The following SUGCT variants were observed in gnomAD, a reference collection of about 807,000 sequenced individuals.
SUGCT encodes succinyl-CoA:glutarate-CoA transferase.
In SUGCT, 41 loss-of-function variants were observed where a neutral mutation model predicts 55.0. The ratio of observed to expected loss-of-function variants is 0.74; its 90% CI spans 0.58 to 0.97. SUGCT has a LOEUF of 0.97. Among genes scored for constraint, SUGCT ranks in the 50% least tolerant of loss-of-function variants. The probability of loss-of-function intolerance (pLI) is 0.00; values close to 1 mark genes in which losing one functional copy is unlikely to be tolerated. For missense variants in SUGCT, 568 were observed against 547.8 expected (o/e 1.04, Z -0.37); for synonymous variants, 187 against 200.4 (o/e 0.93, Z 0.56).
intron 9 of SUGCT, among the ~76,000 whole-genome samples, chr7:40,323,851 A>G (rs921838698): frequency 6.6e-6 from 1 of 151,990 alleles, no homozygotes; most frequent in Non-Finnish European, 1.5e-5. Context: ...CTCCCTCCCA[A>G]TCCATGGCCA....
the SUGCT span, among the ~76,000 whole-genome samples, chr7:40,892,173 C>T: frequency 6.6e-6 from 1 of 152,026 alleles, no homozygotes; most frequent in Non-Finnish European, 1.5e-5. Context: ...AATGGATACA[C>T]AATATATAAA....
At chr7:40,893,149 C>T in the SUGCT span, among the ~76,000 whole-genome samples, 3 of 152,042 alleles carry the variant, frequency 2.0e-5, no homozygotes, top group Non-Finnish European at 4.4e-5. Flanking sequence ...AATATATATG[C>T]ACCCAACATC....
At chr7:40,618,032 G>A (rs552368870) in intron 12 of SUGCT, among the ~76,000 whole-genome samples, 208 of 152,180 alleles carry the variant, frequency 1.4e-3, no homozygotes, top group African/African-American at 4.8e-3. Context: ...AGACATTCTT[G>A]GGGGCTTTTT....
intron 1 of SUGCT, among the ~76,000 whole-genome samples, chr7:40,163,634 A>C (rs1459031715): frequency 6.6e-6 from 1 of 151,444 alleles, no homozygotes; most frequent in Admixed American, 6.6e-5. Context: ...AGGTTATTAT[A>C]TAATATCTAG....
chr7:40,944,073 G>A, the SUGCT span, among the ~76,000 whole-genome samples: 3 of 152,014 alleles, frequency 2.0e-5, no homozygotes, highest in Non-Finnish European at 4.4e-5. Flanking sequence ...CTGCATAAAT[G>A]TCTTCTTTTG....
chr7:40,551,067 A>G lies in SUGCT; in HGVS notation c.1089+54681A>G, dbSNP rs537599244. ...GTCTCTGCAATGCCTTGTTGCTCGG[A>G]GGCCCTCACTGAGCTCTTTTCTCAG... On this transcript the variant is annotated intron_variant, in intron 12 of 13. Coordinates refer to ENST00000335693, the MANE Select transcript of SUGCT (RefSeq NM_001193313.2). 3.1e-4 allele frequency among the ~76,000 whole-genome samples: 47 copies of G among 152,154 alleles called. 1 individual carries two copies. Among genetic ancestry groups the G allele is most frequent in the Middle Eastern group, 6.8e-3 (2 of 294 alleles).
In SUGCT at chr7:40,156,448, G is replaced by T. The variant is rs1482119882; in HGVS notation, c.100+21328G>T. 2.6e-5 allele frequency among the ~76,000 whole-genome samples: 4 copies of T among 152,134 alleles called. No homozygotes were observed. In the East Asian group the frequency reaches 7.8e-4, roughly 30 times the overall value. On this transcript the variant is annotated intron_variant, in intron 1 of 13. Transcript: ENST00000335693. ...ACTGCACTCCAGCCTGGGCGACAGAGTGAGACTCTGCCTCAAAGAAATAGA... is the reference window on the plus strand; with the variant it reads ...ACTGCACTCCAGCCTGGGCGACAGATTGAGACTCTGCCTCAAAGAAATAGA...
chr7:40,212,461 G>A (rs544089198), intron 6 of SUGCT, among the ~76,000 whole-genome samples: 6 of 152,030 alleles, frequency 3.9e-5, no homozygotes, highest in African/African-American at 1.4e-4. Flanking sequence ...AAATAGTATG[G>A]CCACATTATA....
chr7:40,451,576 AG>A (rs1789193792), intron 10 of SUGCT, among the ~76,000 whole-genome samples: 1 of 152,124 alleles, frequency 6.6e-6, no homozygotes, highest in African/African-American at 2.4e-5. Flanking sequence ...CCCTGTTATG[AG>A]CCATTAATCC....
chr7:40,419,133 G>A (rs1197264367), intron 9 of SUGCT, among the ~76,000 whole-genome samples: 3 of 152,090 alleles, frequency 2.0e-5, no homozygotes, highest in Admixed American at 6.6e-5. Flanking sequence ...TTTATGGGGC[G>A]GTGAATTCCT....
intron 12 of SUGCT, among the ~76,000 whole-genome samples, chr7:40,508,993 T>G (rs1792774461): frequency 6.6e-6 from 1 of 152,128 alleles, no homozygotes; most frequent in Non-Finnish European, 1.5e-5. Flanking sequence ...CTTTTTTTTT[T>G]GAAAGAAAAG....
At chr7:40,686,997 T>C (rs1233253671) in intron 12 of SUGCT, among the ~76,000 whole-genome samples, 1 of 152,172 alleles carries the variant, frequency 6.6e-6, no homozygotes, top group Non-Finnish European at 1.5e-5. Context: ...ATTCACATGT[T>C]TGAACTGGCT....
chr7:40,831,305 C>G (rs1450031927), intron 13 of SUGCT, among the ~76,000 whole-genome samples: 2 of 152,134 alleles, frequency 1.3e-5, no homozygotes, highest in Non-Finnish European at 2.9e-5. Context: ...GGACTGTTCC[C>G]CAGCACTTTC....
intron 12 of SUGCT, among the ~76,000 whole-genome samples, chr7:40,524,080 A>G (rs1386557909): frequency 1.3e-5 from 2 of 152,066 alleles, no homozygotes; most frequent in Non-Finnish European, 2.9e-5. Flanking sequence ...CGTTTATGGT[A>G]AGGTTGGCAG....
the SUGCT span, among the ~76,000 whole-genome samples, chr7:40,899,045 T>A: frequency 6.6e-6 from 1 of 152,100 alleles, no homozygotes; most frequent in African/African-American, 2.4e-5. Context: ...TCCCCAACTG[T>A]GGCCTCCAAG....
At chr7:40,222,087 G>A (rs534591026) in intron 6 of SUGCT, among the ~76,000 whole-genome samples, 1 of 152,358 alleles carries the variant, frequency 6.6e-6, no homozygotes, top group African/African-American at 2.4e-5. Flanking sequence ...TTTAGAGCCT[G>A]CGCAAGCAGG....
chr7:40,532,240 T>C (rs1348299354), intron 12 of SUGCT, among the ~76,000 whole-genome samples: 1 of 152,198 alleles, frequency 6.6e-6, no homozygotes, highest in Admixed American at 6.5e-5. Context: ...CAGAAACATT[T>C]TAAGTATTTA....
At chr7:40,253,232 T>A (rs916963466) in intron 7 of SUGCT, among the ~76,000 whole-genome samples, 3 of 152,200 alleles carry the variant, frequency 2.0e-5, no homozygotes, top group Non-Finnish European at 4.4e-5. Flanking sequence ...CATCCCTAAA[T>A]AAGAGTATGT....
At chr7:40,318,490 G>T (rs1337562501) in intron 9 of SUGCT, among the ~76,000 whole-genome samples, 1 of 152,218 alleles carries the variant, frequency 6.6e-6, no homozygotes, top group Non-Finnish European at 1.5e-5. Flanking sequence ...ATGTGGGTGT[G>T]CAGTGGCACG....
Sources: allele counts gnomAD v4.1 joint callset (sites outside exome capture counted in the v4.1 genomes callset), GRCh38; gene constraint gnomAD v4.1.1; transcripts MANE v1.5; gene names NCBI Gene and HGNC (gene_info 2026-07-23, HGNC 2026-07-21).